The following RYR1 variants were observed in gnomAD, a reference collection of about 807,000 sequenced individuals.
RYR1 encodes central core disease of muscle.
RYR1 carries 342 observed loss-of-function variants against 583.5 expected under a neutral mutation model. The ratio of observed to expected loss-of-function variants is 0.59; its 90% confidence interval spans 0.54 to 0.64. The LOEUF (loss-of-function observed/expected upper bound fraction) is 0.64, where lower values mean the gene tolerates loss of function less well. RYR1 is among the 30% of genes least tolerant of loss of function. The pLI is 0.00. For missense variants in RYR1, 6,032 were observed against 6,917.2 expected (o/e 0.87, Z 4.54); for synonymous variants, 2,791 against 2,822.5 (o/e 0.99, Z 0.35).
chr19:38,583,771 G>A (rs1397212758), intron 101 of RYR1, among the ~76,000 whole-genome samples: 3 of 151,756 alleles, frequency 2.0e-5, no homozygotes, highest in Non-Finnish European at 4.4e-5. Flanking sequence ...CCTACCCCAG[G>A]CCTGACATAC....
intron 34 of RYR1, among the ~76,000 whole-genome samples, chr19:38,486,539 C>T (rs899702281): frequency 5.3e-5 from 8 of 152,170 alleles, no homozygotes; most frequent in African/African-American, 1.9e-4. Context: ...AGACTGCTTT[C>T]ACCATGTTGG....
At position 38,536,036 on chromosome 19, in the gene RYR1, C is replaced by T. The variant is rs142947855; in HGVS notation, c.11556C>T (p.Ala3852=). The T allele has an allele frequency of 6.0e-5, 97 of 1,613,694 alleles. No individual in the cohort carries two copies. The highest frequency in any genetic ancestry group is 7.0e-5 in the Non-Finnish European group (83 of 1,179,990). The change falls in exon 82 of 106, where the codon GCC becomes GCT. Residue 3852 remains alanine (A), a synonymous_variant. Transcript: ENST00000359596. ...DLNAFERQNK[A]EGLGMVNEDG... is the part of the protein sequence containing the mutation. Reference sequence around the variant, plus strand: ...ATGCCTTTGAGAGACAGAACAAGGCCGAGGGGCTGGGCATGGTGAATGAGG... The same window carrying T: ...ATGCCTTTGAGAGACAGAACAAGGCTGAGGGGCTGGGCATGGTGAATGAGG...
Position 38,483,624 on chromosome 19 carries a change from AC to A in RYR1, c.4934+112del. On this transcript the variant is annotated intron_variant, in intron 33 of 105. Coordinates refer to ENST00000359596, the MANE Select transcript of RYR1 (RefSeq NM_000540.3). The surrounding 1 kb of genome is among the most constrained non-coding windows in gnomAD (Gnocchi z 6.3). The stretch of plus-strand genomic sequence containing the variant: ...ACACAACCCCGGGATTCCAGACTAC[AC>A]CCCAGGAATCTCCAGACCTACCTCA... 1.0e-6 allele frequency: 1 copy of A among 992,694 alleles called. No homozygotes were observed. The highest frequency in any genetic ancestry group is 1.5e-6 in the Non-Finnish European group (1 of 663,194). The allele number at this position is 992,694 out of a possible 1,614,324, so 61.5% of individuals were successfully genotyped here. A position where few individuals can be genotyped will look rare whatever the true frequency, so the allele number is the denominator to read the frequency against.
intron 67 of RYR1, among the ~76,000 whole-genome samples, chr19:38,520,023 T>A (rs946471429): frequency 2.0e-5 from 3 of 151,836 alleles, no homozygotes; most frequent in Non-Finnish European, 4.4e-5. Flanking sequence ...ACATTTAGAT[T>A]GTGTCGATTT....
At chr19:38,530,987 C>CTTTTTTTTTTTTTTTTTTTTTCTTTTTTT (rs59244176) in intron 76 of RYR1, among the ~76,000 whole-genome samples, 2 of 129,378 alleles carry the variant, frequency 1.5e-5, no homozygotes, top group Non-Finnish European at 3.2e-5. Flanking sequence ...TTTTCTTTCT[C>CTTTTTTTTTTTTTTTTTTTTTCTTTTTTT]TTTTTTTTTT....
intron 25 of RYR1, 42 bp downstream of exon 25, chr19:38,467,854 C>A: frequency 1.3e-6 from 2 of 1,592,854 alleles, no homozygotes; most frequent in South Asian, 1.1e-5. Context: ...GTCCTGTGGT[C>A]TCTCCCACAG....
intron 89 of RYR1, among the ~76,000 whole-genome samples, chr19:38,553,785 A>G (rs1004795): frequency 0.023 from 3,458 of 152,292 alleles, 94 homozygotes; most frequent in Admixed American, 0.073. Context: ...TCCTTCCATC[A>G]TTTTTTAAAT....
At chr19:38,518,627 T>C (rs1971081178) in intron 66 of RYR1, among the ~76,000 whole-genome samples, 1 of 150,912 alleles carries the variant, frequency 6.6e-6, no homozygotes, top group Non-Finnish European at 1.5e-5. Context: ...GGGGTCATGC[T>C]AGTTAAGGGT....
At chr19:38,502,751 TGGGG>T (rs1970202913) in intron 48 of RYR1, 24 bp downstream of exon 48, 3 of 1,046,154 alleles carry the variant, frequency 2.9e-6, no homozygotes, top group Admixed American at 2.3e-5. Flanking sequence ...GGCTTCAGGG[TGGGG>T]CAGGGGCAGG....
intron 104 of RYR1, 40 bp from the exon 105 acceptor site, chr19:38,586,485 G>C: frequency 6.3e-7 from 1 of 1,578,424 alleles, no homozygotes; most frequent in African/African-American, 1.3e-5. Flanking sequence ...ATAAGGTAAG[G>C]GTGGTTCTGA....
chr19:38,587,112 T>C (rs564235719), intron 105 of RYR1, among the ~76,000 whole-genome samples: 189 of 152,054 alleles, frequency 1.2e-3, no homozygotes, highest in Non-Finnish European at 2.5e-3. Flanking sequence ...ATTAAAAAAT[T>C]AGCCAGGGGT....
rs1318148993 is a variant in RYR1 at position 38,537,974 on chromosome 19, G to A, written c.11689+14G>A. 3.8e-6 allele frequency: 6 copies of A among 1,597,786 alleles called. No homozygotes were observed. In the African/African-American group the frequency reaches 6.7e-5, roughly 18 times the overall value. On this transcript the variant is annotated intron_variant, in intron 84 of 105. Coordinates refer to ENST00000359596, the MANE Select transcript of RYR1 (RefSeq NM_000540.3). ...GGCACAATAATGGTGAGGAGGAGGGGTGTGGGGTGGAGGGGAAGCCGAGGT... is the reference window on the plus strand; with the variant it reads ...GGCACAATAATGGTGAGGAGGAGGGATGTGGGGTGGAGGGGAAGCCGAGGT...
chr19:38,451,618 G>A (rs1967078642), intron 11 of RYR1, 146 bp from the exon 12 acceptor site: 3 of 905,710 alleles, frequency 3.3e-6, no homozygotes, highest in Non-Finnish European at 5.4e-6. Flanking sequence ...GATGACGGGG[G>A]ACAGAAAAAT....
intron 89 of RYR1, among the ~76,000 whole-genome samples, chr19:38,554,309 G>A (rs1314506107): frequency 4.0e-5 from 6 of 150,146 alleles, no homozygotes; most frequent in East Asian, 2.0e-4. Context: ...AAAAAATAGC[G>A]GGCATGGTGG....
Position 38,510,486 on chromosome 19 carries a change from C to T in RYR1, c.8933-12C>T. The T allele has an allele frequency of 6.2e-7, 1 of 1,614,154 alleles. No homozygotes were observed. The highest frequency in any genetic ancestry group is 8.5e-7 in the Non-Finnish European group (1 of 1,180,002). On this transcript the variant is annotated splice_polypyrimidine_tract_variant and intron_variant, in intron 58 of 105. Transcript: ENST00000359596. ...TTGAACCCACTGTGAACCCTATTTGCCCTCCCTACAGAGGCTGTGGTCAGC... is the reference window on the plus strand; with the variant it reads ...TTGAACCCACTGTGAACCCTATTTGTCCTCCCTACAGAGGCTGTGGTCAGC...
intron 65 of RYR1, among the ~76,000 whole-genome samples, chr19:38,516,691 A>G (rs2145679371): frequency 6.6e-6 from 1 of 152,226 alleles, no homozygotes; most frequent in East Asian, 1.9e-4. Flanking sequence ...ATTTGAGCAT[A>G]AGAGGATTGA....
intron 93 of RYR1, among the ~76,000 whole-genome samples, chr19:38,570,168 A>G (rs970226123): frequency 2.6e-5 from 4 of 151,596 alleles, no homozygotes; most frequent in Non-Finnish European, 5.9e-5. Context: ...CTCAAAAATA[A>G]ATAAATAGGC....
chr19:38,535,044 C>T, intron 79 of RYR1, 97 bp from the exon 80 acceptor site: 2 of 1,284,900 alleles, frequency 1.6e-6, no homozygotes, highest in Non-Finnish European at 2.2e-6. Flanking sequence ...CTCTTAAATC[C>T]CCTTCTCTCA....
At chr19:38,459,425 G>A (rs1967610598) in intron 19 of RYR1, 87 bp downstream of exon 19, 5 of 1,324,858 alleles carry the variant, frequency 3.8e-6, no homozygotes, top group Admixed American at 1.9e-5. Context: ...GGTCCCCCAG[G>A]AGGCCAGGAC....
Sources: allele counts gnomAD v4.1 joint callset (sites outside exome capture counted in the v4.1 genomes callset), GRCh38; gene constraint gnomAD v4.1.1; non-coding constraint Gnocchi (gnomAD v3.1); transcripts MANE v1.5; gene names NCBI Gene and HGNC (gene_info 2026-07-23, HGNC 2026-07-21).